Variants in CAPN14 observed in about 807,000 individuals in gnomAD.
CAPN14 encodes calpain 14.
In CAPN14, 94 loss-of-function variants were observed where a neutral mutation model predicts 101.3. The observed-to-expected ratio is 0.93, with a 90% CI of 0.79 to 1.10. The LOEUF is 1.10. Ranked by LOEUF, CAPN14 falls within the 50% of genes least tolerant of loss-of-function variation. CAPN14 has a pLI of 0.00. For synonymous variants in CAPN14, 338 were observed against 317.9 expected (o/e 1.06, Z -0.67); for missense variants, 837 against 828.4 (o/e 1.01, Z -0.13).
Position 31,191,418 on chromosome 2 carries a change from A to G in CAPN14, c.1279-11T>C, listed in dbSNP as rs1300324194. Reference sequence around the variant, plus strand: ...ACTCACCTTGTTCATCTAAAAAACAAAAACAAAAACAGAAAAAAAAAAAAA... The same window carrying G: ...ACTCACCTTGTTCATCTAAAAAACAGAAACAAAAACAGAAAAAAAAAAAAA... On this transcript the variant is annotated splice_polypyrimidine_tract_variant and intron_variant, in intron 11 of 21. Coordinates refer to ENST00000403897, the MANE Select transcript of CAPN14 (RefSeq NM_001145122.2). 7 of 1,541,174 alleles carry G rather than the reference A, an allele frequency of 4.5e-6. No individual in the cohort carries two copies. Among genetic ancestry groups the G allele is most frequent in the Non-Finnish European group, 2.6e-6 (3 of 1,145,308 alleles).
intron 1 of CAPN14, among the ~76,000 whole-genome samples, chr2:31,215,529 T>A (rs936011822): frequency 1.3e-5 from 2 of 152,184 alleles, no homozygotes; most frequent in African/African-American, 4.8e-5. Context: ...AAAGGAGATG[T>A]CGCTTCCTCC....
intron 8 of CAPN14, among the ~76,000 whole-genome samples, chr2:31,196,571 C>G (rs1289807786): frequency 6.8e-6 from 1 of 146,992 alleles, no homozygotes. Context: ...TTTGTAGACT[C>G]TGAAGACCTG....
chr2:31,211,671 G>GCACACACA (rs34380519), intron 1 of CAPN14, among the ~76,000 whole-genome samples: 3,091 of 149,404 alleles, frequency 0.021, 77 homozygotes, highest in East Asian at 0.045. Context: ...GTGTGCATGT[G>GCACACACA]CACACACACA....
intron 2 of CAPN14, among the ~76,000 whole-genome samples, chr2:31,224,380 T>G (rs1682957969): frequency 6.6e-6 from 1 of 152,324 alleles, no homozygotes; most frequent in African/African-American, 2.4e-5. Flanking sequence ...AGAATATTTT[T>G]TTTATCCAGC....
intron 16 of CAPN14, among the ~76,000 whole-genome samples, chr2:31,181,414 CT>C (rs1243519971): frequency 1.7e-4 from 25 of 146,606 alleles, no homozygotes; most frequent in African/African-American, 6.2e-4. Context: ...TTCTTTCTTT[CT>C]TTCTTTCTTT....
intron 1 of CAPN14, among the ~76,000 whole-genome samples, chr2:31,217,144 G>C (rs944233191): frequency 6.6e-6 from 1 of 152,090 alleles, no homozygotes; most frequent in African/African-American, 2.4e-5. Flanking sequence ...AAATGACTTC[G>C]AGAGAAACCA....
At chr2:31,190,137 TTCTCTCTC>T (rs3031867) in intron 12 of CAPN14, among the ~76,000 whole-genome samples, 168 of 142,766 alleles carry the variant, frequency 1.2e-3, no homozygotes, top group African/African-American at 4.2e-3. Context: ...CTGATTCATA[TTCTCTCTC>T]TCTCTCTCTC....
At chr2:31,217,841 C>T (rs1040033198), upstream of CAPN14, among the ~76,000 whole-genome samples, 6 of 152,134 alleles carry the variant, frequency 3.9e-5, no homozygotes, top group African/African-American at 1.4e-4. Context: ...TTGCTCACCT[C>T]CCCACAACTC....
Position 31,193,252 on chromosome 2 carries a change from A to T in CAPN14, c.993T>A (p.Val331=). The T allele has an allele frequency of 6.4e-7, 1 of 1,551,818 alleles. No individual in the cohort carries two copies. Among genetic ancestry groups the T allele is most frequent in the Non-Finnish European group, 8.7e-7 (1 of 1,147,020 alleles). ...QDFKTHFVLL[V]ICKLTPGLLS... ...ACAGGCCTGGGGTCAGTTTACAGAT[A>T]ACCAGGAGCACGAAATGTGTTTTAA... is the stretch of plus-strand genomic sequence containing the variant. Residue 331 remains valine (V), a synonymous_variant, in exon 10 of 22, where the codon GTT becomes GTA. Coordinates refer to ENST00000403897, the MANE Select transcript of CAPN14 (RefSeq NM_001145122.2).
intron 1 of CAPN14, among the ~76,000 whole-genome samples, chr2:31,233,381 A>G (rs1683255445): frequency 6.6e-6 from 1 of 152,198 alleles, no homozygotes; most frequent in Non-Finnish European, 1.5e-5. Context: ...TCAATTCATC[A>G]TTTAGGATCC....
chr2:31,176,559 T>C lies in CAPN14; in HGVS notation c.2028+28A>G, dbSNP rs577073024. On this transcript the variant is annotated intron_variant, in intron 21 of 21. Transcript: ENST00000403897. ...AGGGCCACCTCTACGTAAGATGACA[T>C]GAGCCACCTCCTTGGGGCAAGTCTT... The C allele has an allele frequency of 1.4e-5, 21 of 1,545,240 alleles. No individual in the cohort carries two copies. The South Asian group carries it at 2.0e-4, about 15-fold the overall frequency.
intron 16 of CAPN14, among the ~76,000 whole-genome samples, chr2:31,181,382 CTTTT>C (rs879804580): frequency 1.1e-4 from 14 of 128,452 alleles, no homozygotes; most frequent in African/African-American, 3.4e-5. Context: ...TTTCTCTTTT[CTTTT>C]TTTCTTTCTT....
At chr2:31,228,157 T>C (rs1683082097) in intron 1 of CAPN14, among the ~76,000 whole-genome samples, 1 of 152,216 alleles carries the variant, frequency 6.6e-6, no homozygotes, top group Non-Finnish European at 1.5e-5. Flanking sequence ...AAAGGGGCCA[T>C]AGATTCCTAA....
intron 1 of CAPN14, among the ~76,000 whole-genome samples, 189 bp from the exon 2 acceptor site, chr2:31,205,688 C>G (rs1445482437): frequency 2.6e-5 from 4 of 152,054 alleles, no homozygotes; most frequent in African/African-American, 9.7e-5. Context: ...TGCTTGAGGA[C>G]CTGGTGGGAG....
rs931297923 is a variant in CAPN14, at chr2:31,179,973, C to T, written c.1710+963G>A. 4.6e-5 allele frequency among the ~76,000 whole-genome samples: 7 copies of T among 152,250 alleles called. No homozygotes were observed. The South Asian group carries it at 6.2e-4, about 14-fold the overall frequency. On this transcript the variant is annotated intron_variant, in intron 17 of 21. Coordinates refer to ENST00000403897, the MANE Select transcript of CAPN14 (RefSeq NM_001145122.2). Reference sequence around the variant, plus strand: ...TTTTCATTATTATTTTAAAAACCAGCTTATGGAAGGAGTCAGGCACACAGT... The same window carrying T: ...TTTTCATTATTATTTTAAAAACCAGTTTATGGAAGGAGTCAGGCACACAGT...
intron 16 of CAPN14, 89 bp downstream of exon 16, chr2:31,186,339 A>T: frequency 1.1e-6 from 1 of 876,058 alleles, no homozygotes; most frequent in Non-Finnish European, 1.7e-6. Flanking sequence ...AGTAATTCAC[A>T]CATCCCACCA....
chr2:31,178,733 G>A (rs1680438208), intron 17 of CAPN14, among the ~76,000 whole-genome samples, 154 bp from the exon 18 acceptor site: 1 of 152,024 alleles, frequency 6.6e-6, no homozygotes, highest in Non-Finnish European at 1.5e-5. Context: ...CACCTCACTG[G>A]CCAGTCCAGC....
chr2:31,213,481 G>A (rs1332103622), intron 1 of CAPN14, among the ~76,000 whole-genome samples: 1 of 152,220 alleles, frequency 6.6e-6, no homozygotes, highest in Non-Finnish European at 1.5e-5. Flanking sequence ...TATTTACTAT[G>A]CTGTCCTTCA....
intron 17 of CAPN14, among the ~76,000 whole-genome samples, chr2:31,179,258 T>C (rs1304066408): frequency 6.6e-6 from 1 of 151,818 alleles, no homozygotes; most frequent in Non-Finnish European, 1.5e-5. Context: ...GGTGTGATGT[T>C]CCCCACACTT....
Sources: allele counts gnomAD v4.1 joint callset (sites outside exome capture counted in the v4.1 genomes callset), GRCh38; gene constraint gnomAD v4.1.1; transcripts MANE v1.5; gene names NCBI Gene and HGNC (gene_info 2026-07-23, HGNC 2026-07-21).